The following CC2D2A variants were observed in gnomAD, a reference collection of about 807,000 sequenced individuals.
CC2D2A encodes coiled-coil and C2 domain containing 2A.
In CC2D2A, 155 loss-of-function variants were observed where a neutral mutation model predicts 212.9. The ratio of observed to expected loss-of-function variants is 0.73; its 90% CI spans 0.64 to 0.83. CC2D2A has a LOEUF of 0.83. Ranked by LOEUF, CC2D2A falls within the 40% of genes least tolerant of loss-of-function variation. The probability of loss-of-function intolerance (pLI) is 0.00; values close to 1 mark genes in which losing one functional copy is unlikely to be tolerated. For synonymous variants in CC2D2A, 667 were observed against 686.5 expected (o/e 0.97, Z 0.44); for missense variants, 1,856 against 1,956.2 (o/e 0.95, Z 0.97).
At chr4:15,490,876 T>C (rs1246220801) in intron 4 of CC2D2A, among the ~76,000 whole-genome samples, 1 of 152,068 alleles carries the variant, frequency 6.6e-6, no homozygotes, top group African/African-American at 2.4e-5. Context: ...TCCTGTTCTG[T>C]TCTGTTCTAA....
At chr4:15,593,576 C>T (rs1721198263) in intron 33 of CC2D2A, among the ~76,000 whole-genome samples, 1 of 152,212 alleles carries the variant, frequency 6.6e-6, no homozygotes. Context: ...GTGAGAGAGA[C>T]ATCTCAAACT....
At chr4:15,470,671 C>G (rs1560382793) in intron 1 of CC2D2A, among the ~76,000 whole-genome samples, 1 of 73,166 alleles carries the variant, frequency 1.4e-5, no homozygotes. Context: ...CTCTCTCTCT[C>G]TCTCTCTCTC....
At chr4:15,556,446 G>A (rs954541597) in intron 20 of CC2D2A, among the ~76,000 whole-genome samples, 2 of 152,156 alleles carry the variant, frequency 1.3e-5, no homozygotes, top group Non-Finnish European at 2.9e-5. Context: ...TACCTAAAAT[G>A]TAGTCTATTC....
intron 30 of CC2D2A, among the ~76,000 whole-genome samples, chr4:15,582,878 G>C (rs1720713490): frequency 2.0e-5 from 3 of 151,880 alleles, no homozygotes; most frequent in African/African-American, 7.3e-5. Flanking sequence ...AAAACCAAAG[G>C]CATAACAACA....
intron 22 of CC2D2A, among the ~76,000 whole-genome samples, chr4:15,559,926 G>A (rs1183184173): frequency 6.6e-6 from 1 of 152,008 alleles, no homozygotes; most frequent in Non-Finnish European, 1.5e-5. Context: ...CCACCTCCCG[G>A]GCTCAAGCCA....
At chr4:15,558,859 T>G (rs2109059788) in intron 21 of CC2D2A, among the ~76,000 whole-genome samples, 1 of 152,284 alleles carries the variant, frequency 6.6e-6, no homozygotes, top group Middle Eastern at 3.4e-3. Context: ...AAGGCAAAAC[T>G]TAAGCAGGAG....
At position 15,537,923 on chromosome 4, in the gene CC2D2A, C is replaced by T. The variant is rs1718220726; in HGVS notation, c.1789C>T (p.Gln597Ter). ...VQRAKKKKRKQAAEEHPGDEI... is the reference protein window; with the variant it reads ...VQRAKKKKRK ...GAGGGCCAAGAAGAAGAAAAGGAAA[C>T]AAGCAGCAGAAGAACATCCCGGTGA... Residue 597 changes from glutamine (Q) to a stop codon, truncating the protein, a stop_gained, in exon 16 of 37, where the codon CAA (glutamine) becomes TAA (stop). Transcript: ENST00000424120. LOFTEE classifies it high-confidence loss of function. The T allele has an allele frequency of 1.2e-6, 2 of 1,605,384 alleles. No homozygotes were observed. Among genetic ancestry groups the T allele is most frequent in the South Asian group, 1.1e-5 (1 of 89,292 alleles).
chr4:15,589,783 G>A, intron 33 of CC2D2A, 104 bp downstream of exon 33: 3 of 290,238 alleles, frequency 1.0e-5, no homozygotes, highest in Middle Eastern at 1.1e-3. Context: ...TTATATAAAT[G>A]AATATATATA....
At chr4:15,486,594 C>CA (rs936738264) in intron 4 of CC2D2A, among the ~76,000 whole-genome samples, 1 of 151,698 alleles carries the variant, frequency 6.6e-6, no homozygotes, top group Non-Finnish European at 1.5e-5. Context: ...TTTATCTTTT[C>CA]AAAAAACAAC....
chr4:15,477,839 A>C (rs1217089080), intron 2 of CC2D2A, among the ~76,000 whole-genome samples: 1 of 152,230 alleles, frequency 6.6e-6, no homozygotes, highest in African/African-American at 2.4e-5. Context: ...AAGGGCAGTC[A>C]GGAGTAATTG....
At chr4:15,600,308 G>T (rs974024587) in intron 36 of CC2D2A, among the ~76,000 whole-genome samples, 1 of 152,130 alleles carries the variant, frequency 6.6e-6, no homozygotes, top group African/African-American at 2.4e-5. Flanking sequence ...ACTCAAAAAG[G>T]CTTGAGCAAT....
At chr4:15,501,345 C>T (rs1286859631) in intron 4 of CC2D2A, among the ~76,000 whole-genome samples, 1 of 152,148 alleles carries the variant, frequency 6.6e-6, no homozygotes, top group African/African-American at 2.4e-5. Flanking sequence ...CACACCAGGA[C>T]ATCCTGACTG....
rs750037478 is a variant in CC2D2A at position 15,537,931 on chromosome 4, A to G, written c.1797A>G (p.Ala599=). The change falls in exon 16 of 37, where the codon GCA becomes GCG. Residue 599 remains alanine (A), a synonymous_variant. Transcript: ENST00000424120. ...RAKKKKRKQA[A]EEHPGDEIAE... ...AGAAGAAGAAAAGGAAACAAGCAGCAGAAGAACATCCCGGTGATGAGATTG... is the reference window on the plus strand; with the variant it reads ...AGAAGAAGAAAAGGAAACAAGCAGCGGAAGAACATCCCGGTGATGAGATTG... 5.0e-6 allele frequency: 8 copies of G among 1,607,594 alleles called. No individual in the cohort carries two copies. The highest frequency in any genetic ancestry group is 3.3e-4 in the Middle Eastern group (2 of 6,082).
chr4:15,575,928 C>T (rs548788575), intron 29 of CC2D2A, among the ~76,000 whole-genome samples: 1 of 152,230 alleles, frequency 6.6e-6, no homozygotes, highest in African/African-American at 2.4e-5. Flanking sequence ...AGCAGTCTAT[C>T]CTGGCAGAAA....
At chr4:15,582,065 T>A (rs1308307898) in intron 30 of CC2D2A, among the ~76,000 whole-genome samples, 2 of 152,198 alleles carry the variant, frequency 1.3e-5, no homozygotes, top group African/African-American at 4.8e-5. Flanking sequence ...ATGTTTAATA[T>A]ATTTAAGAAA....
At chr4:15,492,262 T>G (rs988543792) in intron 4 of CC2D2A, among the ~76,000 whole-genome samples, 2 of 151,744 alleles carry the variant, frequency 1.3e-5, no homozygotes, top group African/African-American at 4.8e-5. Flanking sequence ...ACCTTCAGAA[T>G]AGATCTAATG....
chr4:15,559,419 C>A (rs1719453190), intron 22 of CC2D2A, among the ~76,000 whole-genome samples, 162 bp downstream of exon 22: 1 of 152,202 alleles, frequency 6.6e-6, no homozygotes, highest in Non-Finnish European at 1.5e-5. Context: ...TGACAACTAT[C>A]ATCACCTTTC....
intron 17 of CC2D2A, among the ~76,000 whole-genome samples, chr4:15,545,085 T>C (rs1221766725): frequency 6.6e-6 from 1 of 152,178 alleles, no homozygotes; most frequent in East Asian, 1.9e-4. Flanking sequence ...TGACTACAGA[T>C]TAAATTAATC....
intron 9 of CC2D2A, 119 bp from the exon 10 acceptor site, chr4:15,515,749 G>T: frequency 2.0e-6 from 2 of 1,002,708 alleles, no homozygotes; most frequent in Non-Finnish European, 2.8e-6. Context: ...AAATTAATTT[G>T]GAAAATTTGC....
Sources: gnomAD v4.1 joint callset for allele counts (sites outside exome capture counted in the v4.1 genomes callset) on GRCh38, gnomAD v4.1.1 for gene constraint, MANE v1.5 for transcripts, NCBI Gene and HGNC (gene_info 2026-07-23, HGNC 2026-07-21) for gene names.